Variants in PARD3 observed in about 807,000 individuals in gnomAD.
PARD3 encodes the protein partitioning defective 3 homolog.
A neutral mutation model predicts 155.4 loss-of-function variants in PARD3; 75 were observed. The observed-to-expected ratio is 0.48, with a 90% CI of 0.40 to 0.58. PARD3 has a LOEUF of 0.58. Among genes scored for constraint, PARD3 ranks in the 20% least tolerant of loss-of-function variants. PARD3 has a pLI of 0.00. For synonymous variants in PARD3, 576 were observed against 610.5 expected, an observed-to-expected ratio of 0.94 and a Z score of 0.83; for missense variants, 1,642 against 1,721.7, an observed-to-expected ratio of 0.95 and a Z score of 0.82.
intron 22 of PARD3, among the ~76,000 whole-genome samples, chr10:34,186,357 TAAA>T (rs61694192): frequency 6.4e-5 from 8 of 125,772 alleles, no homozygotes; most frequent in Admixed American, 2.5e-4. Context: ...GAGACCCTCT[TAAA>T]AAAAAAAAAA....
intron 24 of PARD3, among the ~76,000 whole-genome samples, chr10:34,114,043 G>A (rs1460888716): frequency 6.6e-6 from 1 of 152,118 alleles, no homozygotes; most frequent in African/African-American, 2.4e-5. Context: ...GACTGCTTGA[G>A]GCCAGGAGTT....
chr10:34,346,342 A>G (rs926279499), intron 15 of PARD3: 2 of 1,283,018 alleles, frequency 1.6e-6, no homozygotes, highest in African/African-American at 3.1e-5. Flanking sequence ...TTTGAGTTTT[A>G]GTTTTAGTTT....
chr10:34,290,931 A>G (rs929676816), intron 20 of PARD3, among the ~76,000 whole-genome samples: 7 of 152,202 alleles, frequency 4.6e-5, no homozygotes, highest in Non-Finnish European at 7.3e-5. Flanking sequence ...TCCAGAGCAC[A>G]TTATTCACTC....
At chr10:34,347,336 C>CT (rs1287728398) in intron 15 of PARD3, among the ~76,000 whole-genome samples, 1 of 152,216 alleles carries the variant, frequency 6.6e-6, no homozygotes, top group Admixed American at 6.5e-5. Flanking sequence ...TGAACTGCTG[C>CT]AAAGCAAGTG....
At chr10:34,764,821 T>C (rs1043445824) in intron 1 of PARD3, among the ~76,000 whole-genome samples, 34 of 152,168 alleles carry the variant, frequency 2.2e-4, no homozygotes, top group Admixed American at 2.2e-3. Context: ...ACAGCTCTTA[T>C]AGATAAGCAC....
chr10:34,464,152 A>G (rs2077862309), intron 4 of PARD3, among the ~76,000 whole-genome samples: 1 of 151,456 alleles, frequency 6.6e-6, no homozygotes, highest in African/African-American at 2.4e-5. Flanking sequence ...CCTGAAAACC[A>G]CAGAAGAGCT....
At chr10:34,599,690 T>C (rs944354730) in intron 2 of PARD3, among the ~76,000 whole-genome samples, 2 of 152,248 alleles carry the variant, frequency 1.3e-5, no homozygotes, top group Non-Finnish European at 1.5e-5. Flanking sequence ...AATGACCTTA[T>C]GTGGGCTTAC....
chr10:34,507,685 C>T (rs1163740149), intron 3 of PARD3, among the ~76,000 whole-genome samples: 2 of 152,058 alleles, frequency 1.3e-5, no homozygotes, highest in African/African-American at 4.8e-5. Flanking sequence ...TATTCACCAC[C>T]AACCCTGCAA....
At chr10:34,609,288 C>T (rs1182724086) in intron 2 of PARD3, among the ~76,000 whole-genome samples, 1 of 152,146 alleles carries the variant, frequency 6.6e-6, no homozygotes, top group Non-Finnish European at 1.5e-5. Context: ...AAATAAGATT[C>T]CTCTGTCAAA....
At chr10:34,544,866 T>G (rs1276418888) in intron 2 of PARD3, among the ~76,000 whole-genome samples, 1 of 152,236 alleles carries the variant, frequency 6.6e-6, no homozygotes, top group Non-Finnish European at 1.5e-5. Flanking sequence ...GAGCACCTCT[T>G]GCTTAGTGAA....
At chr10:34,137,863 G>A (rs1030857081) in intron 22 of PARD3, among the ~76,000 whole-genome samples, 2 of 152,184 alleles carry the variant, frequency 1.3e-5, no homozygotes, top group African/African-American at 4.8e-5. Context: ...AGGCCACTAG[G>A]TTAGGCAATT....
At chr10:34,302,908 C>A in intron 20 of PARD3, among the ~76,000 whole-genome samples, 1 of 152,142 alleles carries the variant, frequency 6.6e-6, no homozygotes, top group East Asian at 1.9e-4. Flanking sequence ...CCTACTTACT[C>A]AGTGACTGCC....
chr10:34,600,157 A>T (rs1264956743), intron 2 of PARD3, among the ~76,000 whole-genome samples: 1 of 150,588 alleles, frequency 6.6e-6, no homozygotes, highest in Non-Finnish European at 1.5e-5. Context: ...CAACATGGTA[A>T]AACTCTGTCT....
At chr10:34,601,268 G>GAA (rs61230086) in intron 2 of PARD3, among the ~76,000 whole-genome samples, 41 of 123,160 alleles carry the variant, frequency 3.3e-4, no homozygotes, top group African/African-American at 9.9e-4. Flanking sequence ...TCTCTACAAA[G>GAA]AAAAAAAAAA....
At chr10:34,177,300 A>C (rs2133165687) in intron 22 of PARD3, among the ~76,000 whole-genome samples, 1 of 152,192 alleles carries the variant, frequency 6.6e-6, no homozygotes, top group African/African-American at 2.4e-5. Flanking sequence ...TGACCCCATG[A>C]CTTTTCCAGC....
chr10:34,439,490 C>A (rs1376125795), intron 5 of PARD3, among the ~76,000 whole-genome samples: 1 of 151,748 alleles, frequency 6.6e-6, no homozygotes, highest in Non-Finnish European at 1.5e-5. Context: ...GAGAGTTTCA[C>A]TCTGTTGCCC....
chr10:34,606,661 A>C (rs1183921743), intron 2 of PARD3, among the ~76,000 whole-genome samples: 1 of 130,552 alleles, frequency 7.7e-6, no homozygotes, highest in Middle Eastern at 3.8e-3. Context: ...AAAAAAAAAA[A>C]AGTCTGTCTA....
intron 5 of PARD3, among the ~76,000 whole-genome samples, chr10:34,441,665 C>G (rs889791947): frequency 6.6e-6 from 1 of 152,212 alleles, no homozygotes; most frequent in Admixed American, 6.5e-5. Context: ...GAGCCCCACA[C>G]TCCGGTCCTG....
intron 16 of PARD3, among the ~76,000 whole-genome samples, chr10:34,340,235 C>G (rs1157224025): frequency 6.6e-6 from 1 of 152,110 alleles, no homozygotes; most frequent in African/African-American, 2.4e-5. Flanking sequence ...TTTATAATGC[C>G]CCAAAGACTA....
Sources: gnomAD v4.1 joint callset for allele counts (sites outside exome capture counted in the v4.1 genomes callset) on GRCh38, gnomAD v4.1.1 for gene constraint, MANE v1.5 for transcripts, NCBI Gene and HGNC (gene_info 2026-07-23, HGNC 2026-07-21) for gene names.